Variants in SUMF1 observed in about 807,000 individuals in gnomAD.
SUMF1 encodes formylglycine-generating enzyme.
Under a neutral mutation model 47.6 loss-of-function variants are expected in SUMF1, and 48 were observed. The observed-to-expected ratio is 1.01, with a 90% CI of 0.80 to 1.28. The LOEUF is 1.28. Ranked by LOEUF, SUMF1 falls within the 50% of genes most tolerant of loss-of-function variation. The pLI is 0.00. For missense variants in SUMF1, 571 were observed against 485.4 expected, an observed-to-expected ratio of 1.18 and a Z score of -1.66; for synonymous variants, 230 against 192.1, an observed-to-expected ratio of 1.20 and a Z score of -1.63.
At chr3:4,272,312 T>C (rs560706213) in intron 8 of SUMF1, among the ~76,000 whole-genome samples, 2 of 152,332 alleles carry the variant, frequency 1.3e-5, no homozygotes, top group South Asian at 4.1e-4. Flanking sequence ...TGGGCTGTAA[T>C]GTGGTTCCAA....
chr3:4,426,037 C>T (rs888306073), intron 3 of SUMF1, among the ~76,000 whole-genome samples: 1 of 152,156 alleles, frequency 6.6e-6, no homozygotes, highest in Admixed American at 6.5e-5. Flanking sequence ...CACCTACCAC[C>T]GGGTCCCTCC....
chr3:4,348,319 C>T (rs923589145), intron 8 of SUMF1, among the ~76,000 whole-genome samples: 2 of 152,098 alleles, frequency 1.3e-5, no homozygotes, highest in African/African-American at 4.8e-5. Flanking sequence ...GGTACTGGTA[C>T]CAAAACAGAC....
At chr3:4,393,269 G>A (rs368360932) in intron 7 of SUMF1, among the ~76,000 whole-genome samples, 9 of 152,062 alleles carry the variant, frequency 5.9e-5, no homozygotes, top group African/African-American at 2.2e-4. Context: ...CCTCCACCCT[G>A]AATCAAGTCA....
At chr3:4,437,948 A>G (rs1417890886) in intron 3 of SUMF1, among the ~76,000 whole-genome samples, 1 of 152,140 alleles carries the variant, frequency 6.6e-6, no homozygotes, top group Admixed American at 6.6e-5. Flanking sequence ...AAACACAAAA[A>G]TAAAATAAAA....
At chr3:4,401,418 TA>T (rs1701208168) in intron 7 of SUMF1, among the ~76,000 whole-genome samples, 1 of 152,202 alleles carries the variant, frequency 6.6e-6, no homozygotes, top group Non-Finnish European at 1.5e-5. Flanking sequence ...TGAACTAGTT[TA>T]CACTCGGTGG....
At chr3:4,219,620 G>C (rs1485259) in intron 8 of SUMF1, among the ~76,000 whole-genome samples, 1 of 152,098 alleles carries the variant, frequency 6.6e-6, no homozygotes, top group Non-Finnish European at 1.5e-5. Flanking sequence ...GCCTGCCATG[G>C]ATCTGTATTT....
intron 8 of SUMF1, among the ~76,000 whole-genome samples, chr3:4,350,254 C>T (rs1397370325): frequency 1.3e-5 from 2 of 151,798 alleles, no homozygotes; most frequent in Non-Finnish European, 2.9e-5. Context: ...AAACTCCTGA[C>T]CTCGTGATCT....
At chr3:4,255,834 AC>A (rs1391520857) in intron 8 of SUMF1, among the ~76,000 whole-genome samples, 1 of 93,788 alleles carries the variant, frequency 1.1e-5, no homozygotes, top group Admixed American at 1.0e-4. Flanking sequence ...ACCACACCAC[AC>A]CTATTCCAAA....
intron 8 of SUMF1, among the ~76,000 whole-genome samples, chr3:4,231,595 C>T (rs1035969604): frequency 2.6e-5 from 4 of 152,148 alleles, no homozygotes; most frequent in African/African-American, 9.6e-5. Flanking sequence ...ATGATATGCC[C>T]TTTCCTGCTT....
intron 8 of SUMF1, among the ~76,000 whole-genome samples, chr3:4,127,344 T>C (rs966715577): frequency 3.9e-5 from 6 of 152,172 alleles, no homozygotes; most frequent in African/African-American, 1.4e-4. Flanking sequence ...TACAAAGTAT[T>C]GATCCTGGGT....
intron 9 of SUMF1, among the ~76,000 whole-genome samples, chr3:4,043,875 C>G (rs1481054866): frequency 6.6e-6 from 1 of 152,056 alleles, no homozygotes; most frequent in African/African-American, 2.4e-5. Flanking sequence ...ACTACCCTAT[C>G]AATTTTGCCC....
intron 8 of SUMF1, among the ~76,000 whole-genome samples, chr3:4,336,421 T>C (rs1296551817): frequency 6.6e-6 from 1 of 152,118 alleles, no homozygotes; most frequent in East Asian, 1.9e-4. Flanking sequence ...TAAGATAAAG[T>C]AAGCATGTGA....
At chr3:4,282,656 A>C (rs1697553289) in intron 8 of SUMF1, among the ~76,000 whole-genome samples, 1 of 152,198 alleles carries the variant, frequency 6.6e-6, no homozygotes, top group Non-Finnish European at 1.5e-5. Flanking sequence ...AAAGTGGGAG[A>C]ACTGTTGCTC....
intron 8 of SUMF1, among the ~76,000 whole-genome samples, chr3:4,217,636 T>C (rs540187051): frequency 1.7e-4 from 24 of 141,518 alleles, no homozygotes; most frequent in Non-Finnish European, 2.3e-4. Flanking sequence ...AAGGTCTAAT[T>C]ACACAAGCTG....
At chr3:4,282,717 CTT>C (rs2125047320) in intron 8 of SUMF1, among the ~76,000 whole-genome samples, 1 of 152,278 alleles carries the variant, frequency 6.6e-6, no homozygotes, top group East Asian at 1.9e-4. Flanking sequence ...TATTTTGAAA[CTT>C]AAAAGTCATA....
intron 8 of SUMF1, among the ~76,000 whole-genome samples, chr3:4,337,536 T>C (rs308732): frequency 0.78 from 118,536 of 152,064 alleles, 46,741 homozygotes; most frequent in African/African-American, 0.9. Context: ...TCCCACTAAT[T>C]CCAACCCCAC....
At chr3:4,070,823 G>T (rs189634666) in intron 8 of SUMF1, among the ~76,000 whole-genome samples, 1 of 151,832 alleles carries the variant, frequency 6.6e-6, no homozygotes, top group Non-Finnish European at 1.5e-5. Context: ...AGTAGAGACG[G>T]GGTTTCACCA....
intron 8 of SUMF1, among the ~76,000 whole-genome samples, chr3:4,100,909 A>T (rs901413320): frequency 6.6e-6 from 1 of 152,108 alleles, no homozygotes; most frequent in African/African-American, 2.4e-5. Context: ...AAAATACTCA[A>T]TATCTCTAAT....
At chr3:4,343,483 A>C (rs1327553889) in intron 8 of SUMF1, among the ~76,000 whole-genome samples, 1 of 152,188 alleles carries the variant, frequency 6.6e-6, no homozygotes, top group Non-Finnish European at 1.5e-5. Context: ...CTACAGTTGG[A>C]CCAATTAGCA....
Sources: gnomAD v4.1 joint callset for allele counts (sites outside exome capture counted in the v4.1 genomes callset) on GRCh38, gnomAD v4.1.1 for gene constraint, MANE v1.5 for transcripts, NCBI Gene and HGNC (gene_info 2026-07-23, HGNC 2026-07-21) for gene names.